The following POLH variants were observed in gnomAD, a reference collection of about 807,000 sequenced individuals.
POLH encodes DNA polymerase eta transcript.
A neutral mutation model predicts 73.6 loss-of-function variants in POLH; 53 were observed. The ratio of observed to expected loss-of-function variants is 0.72; its 90% CI spans 0.58 to 0.91. The LOEUF (loss-of-function observed/expected upper bound fraction) is 0.91, where lower values mean the gene tolerates loss of function less well. Ranked by LOEUF, POLH falls within the 40% of genes least tolerant of loss-of-function variation. The pLI is 0.00. For synonymous variants in POLH, 292 were observed against 308.5 expected, an observed-to-expected ratio of 0.95 and a Z score of 0.56; for missense variants, 768 against 865.4, an observed-to-expected ratio of 0.89 and a Z score of 1.41.
chr6:43,610,228 G>A (rs1332299765), intron 9 of POLH, among the ~76,000 whole-genome samples: 1 of 151,144 alleles, frequency 6.6e-6, no homozygotes, highest in East Asian at 1.9e-4. Context: ...CGACTGGCTA[G>A]TTTTTTTGTA....
intron 3 of POLH, among the ~76,000 whole-genome samples, chr6:43,586,036 T>C (rs1048562478): frequency 6.6e-6 from 1 of 152,088 alleles, no homozygotes; most frequent in Non-Finnish European, 1.5e-5. Flanking sequence ...ATTCTCTAAT[T>C]TGAGAGTGTT....
intron 3 of POLH, among the ~76,000 whole-genome samples, chr6:43,583,548 A>G (rs1582272906): frequency 6.6e-6 from 1 of 152,212 alleles, no homozygotes; most frequent in African/African-American, 2.4e-5. Flanking sequence ...TAATTGAACA[A>G]TATCAAGGGA....
chr6:43,603,458 T>C (rs75886301), intron 6 of POLH, among the ~76,000 whole-genome samples: 2,211 of 152,142 alleles, frequency 0.015, 33 homozygotes, highest in South Asian at 0.06. Context: ...GTTAGGGTCT[T>C]ACTTTGTTGT....
At chr6:43,580,184 T>G (rs1157526381) in intron 1 of POLH, among the ~76,000 whole-genome samples, 3 of 146,334 alleles carry the variant, frequency 2.1e-5, no homozygotes, top group Non-Finnish European at 4.5e-5. Flanking sequence ...CATTTAACCC[T>G]GAGTGGACAC....
rs1768345813 is a variant in POLH, at chr6:43,616,341, C to T, written c.*1784C>T. Among the ~76,000 whole-genome samples, 1 of 151,076 alleles carries T rather than the reference C, an allele frequency of 6.6e-6. No homozygotes were observed. Among genetic ancestry groups the T allele is most frequent in the Non-Finnish European group, 1.5e-5 (1 of 67,872 alleles). On this transcript the variant is annotated 3_prime_UTR_variant, in exon 11 of 11. Transcript: ENST00000372236. ...GGGTGCGGTTCCTCATGCCTATAAT[C>T]CCAGCATTTAGGGAGGCTGAGGTGA...
intron 1 of POLH, among the ~76,000 whole-genome samples, chr6:43,579,937 T>A (rs1763828084): frequency 6.7e-6 from 1 of 149,168 alleles, no homozygotes; most frequent in Non-Finnish European, 1.5e-5. Context: ...TTATTGATAA[T>A]TCTTGGGTGT....
intron 10 of POLH, among the ~76,000 whole-genome samples, chr6:43,612,842 C>T (rs537049391): frequency 7.0e-6 from 1 of 142,352 alleles, no homozygotes; most frequent in African/African-American, 2.6e-5. Context: ...GGCTCTGTCA[C>T]CCAGGCTGGA....
chr6:43,580,851 G>A (rs1327699093), intron 1 of POLH, among the ~76,000 whole-genome samples: 20 of 142,806 alleles, frequency 1.4e-4, no homozygotes, highest in South Asian at 6.7e-4. Flanking sequence ...GGGCAGAGGC[G>A]CCCCTCACCT....
At chr6:43,596,367 C>T (rs942257914) in intron 4 of POLH, among the ~76,000 whole-genome samples, 5 of 151,940 alleles carry the variant, frequency 3.3e-5, no homozygotes, top group African/African-American at 9.7e-5. Context: ...CCTGTAGTCC[C>T]AGCTACTCGG....
At position 43,617,149 on chromosome 6, in the gene POLH, C is replaced by G. The variant is rs989627412; in HGVS notation, c.*2592C>G. 1.3e-5 allele frequency among the ~76,000 whole-genome samples: 2 copies of G among 151,918 alleles called. No individual in the cohort carries two copies. Among genetic ancestry groups the G allele is most frequent in the African/African-American group, 4.8e-5 (2 of 41,322 alleles). ...AGGTTGCAGTGAGCCGAGATTTCCACTGCATTCCAGCCTGGGCGATAGAGT... is the reference window on the plus strand; with the variant it reads ...AGGTTGCAGTGAGCCGAGATTTCCAGTGCATTCCAGCCTGGGCGATAGAGT... On this transcript the variant is annotated 3_prime_UTR_variant, in exon 11 of 11. Transcript: ENST00000372236.
rs373430329 is a variant in POLH, at chr6:43,583,145, A to G, written c.272+4A>G. The G allele has an allele frequency of 1.1e-4, 177 of 1,613,594 alleles. No homozygotes were observed. Among genetic ancestry groups the G allele is most frequent in the Non-Finnish European group, 1.4e-4 (166 of 1,179,636 alleles). On this transcript the variant is annotated splice_donor_region_variant and intron_variant, in intron 3 of 10. Transcript: ENST00000372236. ...GTGGGAAAGCTAACCTCACCAAGTA[A>G]GAAAAAAACATTATTTAAGGAGACA...
intron 4 of POLH, among the ~76,000 whole-genome samples, chr6:43,596,376 G>A (rs1460558446): frequency 1.3e-5 from 2 of 151,930 alleles, no homozygotes; most frequent in African/African-American, 4.8e-5. Context: ...CCAGCTACTC[G>A]GGAGGCTGAG....
chr6:43,608,565 T>C (rs1016027665), intron 9 of POLH, among the ~76,000 whole-genome samples: 2 of 152,222 alleles, frequency 1.3e-5, no homozygotes, highest in African/African-American at 4.8e-5. Context: ...CTGTCATCCG[T>C]GCTGGAGCAC....
chr6:43,615,880 C>T lies in POLH; in HGVS notation c.*1323C>T, dbSNP rs1270473458. 2.6e-5 allele frequency among the ~76,000 whole-genome samples: 4 copies of T among 151,892 alleles called. No homozygotes were observed. The highest frequency in any genetic ancestry group is 5.9e-5 in the Non-Finnish European group (4 of 67,974). ...TAGAGATGAGGTTTCACCATGTTGG[C>T]CAGGATGGTCTCGATTGCTTGACCT... On this transcript the variant is annotated 3_prime_UTR_variant, in exon 11 of 11. Transcript: ENST00000372236.
intron 4 of POLH, among the ~76,000 whole-genome samples, chr6:43,593,037 AATG>A (rs9333523): frequency 0.017 from 2,616 of 152,250 alleles, 33 homozygotes; most frequent in Non-Finnish European, 0.028. Flanking sequence ...ACAGTTTTAT[AATG>A]ATTATTTTTG....
intron 10 of POLH, 129 bp from the exon 11 acceptor site, chr6:43,613,531 T>C: frequency 1.3e-6 from 1 of 771,996 alleles, no homozygotes; most frequent in Non-Finnish European, 2.1e-6. Context: ...AGAACCAGAA[T>C]GCTAGTCATC....
At chr6:43,607,995 G>A (rs1347329686) in intron 9 of POLH, among the ~76,000 whole-genome samples, 2 of 152,194 alleles carry the variant, frequency 1.3e-5, no homozygotes, top group African/African-American at 4.8e-5. Flanking sequence ...GCTGGGCGTG[G>A]TGGCGGGCAC....
intron 4 of POLH, among the ~76,000 whole-genome samples, chr6:43,590,569 T>A (rs898208048): frequency 6.6e-6 from 1 of 151,828 alleles, no homozygotes; most frequent in African/African-American, 2.4e-5. Context: ...GTCTTTTTTT[T>A]AATTGAATAT....
At position 43,603,461 on chromosome 6, in the gene POLH, T is replaced by C. The variant is rs139095895; in HGVS notation, c.765-431T>C. 7.2e-5 allele frequency among the ~76,000 whole-genome samples: 11 copies of C among 152,100 alleles called. No homozygotes were observed. The East Asian group carries it at 1.7e-3, about 24-fold the overall frequency. On this transcript the variant is annotated intron_variant, in intron 6 of 10. Coordinates refer to ENST00000372236, the MANE Select transcript of POLH (RefSeq NM_006502.3). The stretch of plus-strand genomic sequence containing the variant: ...TTTTTTTGTAGAGTTAGGGTCTTAC[T>C]TTGTTGTCCAGGCTGGTCTCAAACT...
Sources: allele counts gnomAD v4.1 joint callset (sites outside exome capture counted in the v4.1 genomes callset), GRCh38; gene constraint gnomAD v4.1.1; transcripts MANE v1.5; gene names NCBI Gene and HGNC (gene_info 2026-07-23, HGNC 2026-07-21).